The following TBC1D5 variants were observed in gnomAD, a reference collection of about 807,000 sequenced individuals.
TBC1D5 encodes the protein TBC1 domain family, member 5.
A neutral mutation model predicts 100.3 loss-of-function variants in TBC1D5; 75 were observed. That is an observed-to-expected ratio of 0.75 (90% CI 0.62 to 0.91). The LOEUF (loss-of-function observed/expected upper bound fraction) is 0.91. Ranked by LOEUF, TBC1D5 falls within the 40% of genes least tolerant of loss-of-function variation. The pLI is 0.00. For missense variants in TBC1D5, 910 were observed against 942.4 expected, an observed-to-expected ratio of 0.97 and a Z score of 0.45; for synonymous variants, 323 against 325.6, an observed-to-expected ratio of 0.99 and a Z score of 0.09.
chr3:17,274,755 G>GA (rs1409214687), intron 15 of TBC1D5, among the ~76,000 whole-genome samples: 1 of 151,938 alleles, frequency 6.6e-6, no homozygotes, highest in Non-Finnish European at 1.5e-5. Context: ...TGTTGTTGTA[G>GA]AAAAAAAGAG....
chr3:17,464,140 G>A (rs551686150), intron 3 of TBC1D5, among the ~76,000 whole-genome samples: 69 of 151,818 alleles, frequency 4.5e-4, no homozygotes, highest in Non-Finnish European at 3.4e-4. Flanking sequence ...TAGTAGAGAC[G>A]GGGTTTCTCC....
intron 4 of TBC1D5, among the ~76,000 whole-genome samples, chr3:17,413,218 C>G (rs2093983290): frequency 6.6e-6 from 1 of 152,204 alleles, no homozygotes; most frequent in Admixed American, 6.5e-5. Flanking sequence ...TTTCATTTCT[C>G]AGGCCAATGT....
At chr3:17,243,364 AAATTTTTTAATGTTTTC>A (rs2076462371) in intron 16 of TBC1D5, among the ~76,000 whole-genome samples, 2 of 152,206 alleles carry the variant, frequency 1.3e-5, no homozygotes, top group Non-Finnish European at 2.9e-5. Context: ...TAGAAGAATC[AAATTTTTTAATGTTTTC>A]AACATAAAGT....
intron 14 of TBC1D5, among the ~76,000 whole-genome samples, chr3:17,304,324 G>A (rs985078019): frequency 6.6e-6 from 1 of 152,204 alleles, no homozygotes; most frequent in Non-Finnish European, 1.5e-5. Flanking sequence ...TCTCACTGGG[G>A]AACAGGGATT....
chr3:17,366,741 T>C (rs1445077793), intron 13 of TBC1D5, among the ~76,000 whole-genome samples: 2 of 152,164 alleles, frequency 1.3e-5, no homozygotes, highest in Admixed American at 6.5e-5. Context: ...AATATGTTTA[T>C]ACTTCAAATA....
chr3:17,463,818 A>G (rs1028972051), intron 3 of TBC1D5, among the ~76,000 whole-genome samples: 3 of 152,212 alleles, frequency 2.0e-5, no homozygotes, highest in African/African-American at 7.2e-5. Context: ...TCTTCATTGC[A>G]GAAAGCAGAA....
intron 3 of TBC1D5, among the ~76,000 whole-genome samples, chr3:17,492,755 C>A (rs543861523): frequency 2.6e-5 from 4 of 152,178 alleles, no homozygotes; most frequent in African/African-American, 4.8e-5. Context: ...CATCTTAACA[C>A]TGCTTCAGCT....
rs181317968 is a variant in TBC1D5, at chr3:17,391,654, T to A, written c.510-7639A>T. ...CTTCAGGAGAGCATCAGTGAGAAATTAAGGCTGTGGGAAAAAGACTATTAG... is the reference window on the plus strand; with the variant it reads ...CTTCAGGAGAGCATCAGTGAGAAATAAAGGCTGTGGGAAAAAGACTATTAG... On this transcript the variant is annotated intron_variant, in intron 8 of 21. Coordinates refer to ENST00000253692, the Ensembl canonical transcript of TBC1D5. Among the ~76,000 whole-genome samples, 42 of 151,534 alleles carry A rather than the reference T, an allele frequency of 2.8e-4. 1 individual carries two copies. The highest frequency in any genetic ancestry group is 9.7e-4 in the African/African-American group (40 of 41,342).
intron 2 of TBC1D5, among the ~76,000 whole-genome samples, chr3:17,617,596 T>C (rs148804427): frequency 1.4e-3 from 214 of 152,326 alleles, no homozygotes; most frequent in South Asian, 3.5e-3. Context: ...GTTTGCTTCT[T>C]TTTACTCTTT....
intron 16 of TBC1D5, among the ~76,000 whole-genome samples, chr3:17,255,769 T>C (rs925518686): frequency 1.3e-5 from 2 of 152,160 alleles, no homozygotes; most frequent in African/African-American, 4.8e-5. Flanking sequence ...CCGGGCGCAG[T>C]GGCTCACGCC....
chr3:17,680,163 T>C (rs535290764), intron 1 of TBC1D5, among the ~76,000 whole-genome samples: 14 of 151,572 alleles, frequency 9.2e-5, no homozygotes, highest in African/African-American at 3.4e-4. Context: ...TTTAGATGCA[T>C]TTTTTGGTAC....
chr3:17,188,354 G>C (rs1354632107), intron 18 of TBC1D5, among the ~76,000 whole-genome samples: 1 of 152,126 alleles, frequency 6.6e-6, no homozygotes, highest in Non-Finnish European at 1.5e-5. Context: ...TAAAACCCAA[G>C]TAGATCTTGA....
At chr3:17,733,656 G>A (rs2076741818) in intron 1 of TBC1D5, among the ~76,000 whole-genome samples, 1 of 152,080 alleles carries the variant, frequency 6.6e-6, no homozygotes, top group African/African-American at 2.4e-5. Context: ...CCTTTTGAGA[G>A]CTGAGTAGAT....
chr3:17,269,018 T>A (rs952378458), intron 15 of TBC1D5, among the ~76,000 whole-genome samples: 9 of 152,108 alleles, frequency 5.9e-5, no homozygotes, highest in Non-Finnish European at 2.9e-5. Context: ...CAGGAAGAAA[T>A]GCCTGGAAAG....
chr3:17,523,764 C>T (rs561216236), intron 2 of TBC1D5, among the ~76,000 whole-genome samples: 128 of 152,268 alleles, frequency 8.4e-4, no homozygotes, highest in African/African-American at 3.0e-3. Context: ...ATCATGCATT[C>T]TCAATGGCAG....
rs2080415804 is a variant in TBC1D5, at chr3:17,280,069, G to A, written c.1245+11826C>T. On this transcript the variant is annotated intron_variant, in intron 15 of 21. Coordinates refer to ENST00000253692, the Ensembl canonical transcript of TBC1D5. ...TTCACTCATTATTGCAGGTACCCTG[G>A]AAATATCAGGGAATCAAACAGACAA... 1.3e-5 allele frequency among the ~76,000 whole-genome samples: 2 copies of A among 152,188 alleles called. 1 individual carries two copies. The highest frequency in any genetic ancestry group is 4.1e-4 in the South Asian group (2 of 4,834).
At chr3:17,704,249 G>A (rs919860116) in intron 1 of TBC1D5, among the ~76,000 whole-genome samples, 2 of 140,470 alleles carry the variant, frequency 1.4e-5, no homozygotes, top group South Asian at 2.4e-4. Context: ...TAAGGTCACA[G>A]ATCAACAGGA....
At chr3:17,426,010 A>G (rs953763546) in intron 4 of TBC1D5, among the ~76,000 whole-genome samples, 31 of 141,568 alleles carry the variant, frequency 2.2e-4, no homozygotes, top group Non-Finnish European at 4.6e-5. Context: ...ACACAAGTAT[A>G]TATAAAGTAT....
intron 1 of TBC1D5, among the ~76,000 whole-genome samples, chr3:17,633,207 C>G (rs977300320): frequency 5.9e-5 from 9 of 152,054 alleles, no homozygotes; most frequent in Non-Finnish European, 1.3e-4. Context: ...GAGGCCGAGG[C>G]GAGTGGATCA....
Sources: allele counts gnomAD v4.1 joint callset (sites outside exome capture counted in the v4.1 genomes callset), GRCh38; gene constraint gnomAD v4.1.1; transcripts MANE v1.5; gene names NCBI Gene and HGNC (gene_info 2026-07-23, HGNC 2026-07-21).